The following ITCH variants were observed in gnomAD, a reference collection of about 807,000 sequenced individuals.
ITCH encodes the protein E3 ubiquitin-protein ligase Itchy homolog.
A neutral mutation model predicts 126.8 loss-of-function variants in ITCH; 28 were observed. That is an observed-to-expected ratio of 0.22 (90% CI 0.16 to 0.30). The LOEUF (loss-of-function observed/expected upper bound fraction) is 0.30. Ranked by LOEUF, ITCH falls within the 10% of genes least tolerant of loss-of-function variation. The pLI is 1.00. For missense variants in ITCH, 631 were observed against 1,032.4 expected, an observed-to-expected ratio of 0.61 and a Z score of 5.33; for synonymous variants, 342 against 340.0, an observed-to-expected ratio of 1.01 and a Z score of -0.06.
At chr20:34,366,686 G>C (rs2037433743) in intron 1 of ITCH, among the ~76,000 whole-genome samples, 1 of 151,912 alleles carries the variant, frequency 6.6e-6, no homozygotes, top group Non-Finnish European at 1.5e-5. Context: ...GGGCAACATG[G>C]TGATATCCCG....
intron 23 of ITCH, among the ~76,000 whole-genome samples, chr20:34,497,233 G>T (rs1042572265): frequency 2.0e-5 from 3 of 152,098 alleles, no homozygotes; most frequent in African/African-American, 7.2e-5. Flanking sequence ...CTAACCTTGT[G>T]ATCTGCCTGC....
At chr20:34,372,384 C>CTTTT (rs779017298) in intron 2 of ITCH, among the ~76,000 whole-genome samples, 3 of 93,156 alleles carry the variant, frequency 3.2e-5, no homozygotes, top group African/African-American at 4.7e-5. Flanking sequence ...TTAAGTTCTA[C>CTTTT]TTTTTTTTTT....
intron 10 of ITCH, among the ~76,000 whole-genome samples, chr20:34,443,106 A>G (rs1983976224): frequency 6.6e-6 from 1 of 152,186 alleles, no homozygotes; most frequent in Non-Finnish European, 1.5e-5. Flanking sequence ...CCAGTCATAT[A>G]TTAAAATGAA....
intron 3 of ITCH, among the ~76,000 whole-genome samples, chr20:34,397,595 A>T (rs2038721561): frequency 6.6e-6 from 1 of 152,254 alleles, no homozygotes; most frequent in Admixed American, 6.5e-5. Flanking sequence ...GAATATAAAA[A>T]TAATACTGTC....
chr20:34,466,729 A>T (rs1429580620), intron 14 of ITCH, among the ~76,000 whole-genome samples: 1 of 152,154 alleles, frequency 6.6e-6, no homozygotes, highest in Non-Finnish European at 1.5e-5. Flanking sequence ...AAAATCAGGA[A>T]ATATTTTATT....
At chr20:34,476,746 T>C (rs1477015887) in intron 16 of ITCH, 1 of 198,004 alleles carries the variant, frequency 5.1e-6, no homozygotes, top group African/African-American at 2.3e-5. Flanking sequence ...TATTTAAGTG[T>C]GGTAATTCAT....
intron 2 of ITCH, among the ~76,000 whole-genome samples, chr20:34,385,217 GTGTGGTTT>G (rs2038234257): frequency 2.4e-5 from 3 of 127,408 alleles, no homozygotes; most frequent in South Asian, 2.5e-4. Context: ...GTGTGTGTGT[GTGTGGTTT>G]TTTTTTTTTT....
rs76509681 is a variant in ITCH at position 34,414,144 on chromosome 20, T to TAAA, written c.475+278_475+280dup. Among the ~76,000 whole-genome samples, 3 of 137,524 alleles carry TAAA rather than the reference T, an allele frequency of 2.2e-5. No individual in the cohort carries two copies. The Admixed American group carries it at 2.2e-4, about 10-fold the overall frequency. 90.2% of individuals were successfully genotyped at this position (137,524 alleles called of 152,430 possible). ...GTGACAGAGTGAGACCTTGTTTCTT[T>TAAA]AAAAAAAAAAAAAAAGAAATGATTT... On this transcript the variant is annotated intron_variant, in intron 6 of 24. Coordinates refer to ENST00000374864, the MANE Select transcript of ITCH (RefSeq NM_031483.7).
intron 8 of ITCH, among the ~76,000 whole-genome samples, 189 bp downstream of exon 8, chr20:34,438,820 G>A (rs1325637437): frequency 6.6e-6 from 1 of 152,172 alleles, no homozygotes; most frequent in African/African-American, 2.4e-5. Context: ...TCAAGGTGAC[G>A]TTACTGAGGC....
intron 7 of ITCH, among the ~76,000 whole-genome samples, chr20:34,435,365 C>T (rs866382042): frequency 3.9e-5 from 6 of 152,038 alleles, no homozygotes; most frequent in African/African-American, 1.2e-4. Flanking sequence ...GATGGGGTTT[C>T]GCCATATAAG....
chr20:34,383,156 G>A (rs902728330), intron 2 of ITCH, among the ~76,000 whole-genome samples: 1 of 151,870 alleles, frequency 6.6e-6, no homozygotes, highest in African/African-American at 2.4e-5. Context: ...ATGCTCCTGT[G>A]TCAGTCTCCT....
chr20:34,500,282 G>A (rs1600506136), intron 23 of ITCH, among the ~76,000 whole-genome samples: 1 of 152,150 alleles, frequency 6.6e-6, no homozygotes, highest in East Asian at 1.9e-4. Flanking sequence ...GGATATTGAA[G>A]TCCCCAACTA....
At chr20:34,387,610 A>T (rs1046802060) in intron 2 of ITCH, among the ~76,000 whole-genome samples, 1 of 148,838 alleles carries the variant, frequency 6.7e-6, no homozygotes, top group Non-Finnish European at 1.5e-5. Context: ...ACAGAGCGAG[A>T]CCCTGTCTCA....
chr20:34,370,019 C>G (rs879683172), intron 2 of ITCH, among the ~76,000 whole-genome samples: 16 of 150,498 alleles, frequency 1.1e-4, no homozygotes, highest in Non-Finnish European at 1.8e-4. Flanking sequence ...ATGGGAGGAT[C>G]ACTTGAGCCA....
At chr20:34,480,556 A>G in intron 18 of ITCH, 43 bp from the exon 19 acceptor site, 1 of 1,597,436 alleles carries the variant, frequency 6.3e-7, no homozygotes, top group Middle Eastern at 1.7e-4. Flanking sequence ...TAAAATGATT[A>G]TTGTACAGTT....
intron 12 of ITCH, 58 bp downstream of exon 12, chr20:34,449,538 T>C (rs896362666): frequency 1.3e-5 from 15 of 1,121,554 alleles, no homozygotes; most frequent in Admixed American, 5.2e-5. Context: ...TCTCTTCCAA[T>C]TGTGTCATTT....
intron 20 of ITCH, among the ~76,000 whole-genome samples, chr20:34,486,516 G>T (rs955182944): frequency 1.3e-5 from 2 of 151,644 alleles, no homozygotes; most frequent in African/African-American, 4.8e-5. Flanking sequence ...AGTAGAGACG[G>T]GGTTTTGCCA....
chr20:34,400,145 G>A (rs752631153), intron 3 of ITCH, among the ~76,000 whole-genome samples: 1 of 151,938 alleles, frequency 6.6e-6, no homozygotes, highest in Non-Finnish European at 1.5e-5. Context: ...TATCATGTTG[G>A]CCAAGATGGT....
intron 7 of ITCH, among the ~76,000 whole-genome samples, chr20:34,427,525 G>A (rs1285468829): frequency 6.6e-6 from 1 of 152,102 alleles, no homozygotes; most frequent in Non-Finnish European, 1.5e-5. Context: ...GGTGCCCAAA[G>A]TGGGAGGATC....
Sources: allele counts gnomAD v4.1 joint callset (sites outside exome capture counted in the v4.1 genomes callset), GRCh38; gene constraint gnomAD v4.1.1; transcripts MANE v1.5; gene names NCBI Gene and HGNC (gene_info 2026-07-23, HGNC 2026-07-21).